The following PTPRD variants were observed in gnomAD, a reference collection of about 807,000 sequenced individuals.
PTPRD encodes protein tyrosine phosphatase receptor type D.
PTPRD carries 34 observed loss-of-function variants against 214.5 expected under a neutral mutation model. The ratio of observed to expected loss-of-function variants is 0.16; its 90% CI spans 0.12 to 0.21. PTPRD has a LOEUF of 0.21. Among genes scored for constraint, PTPRD ranks in the 10% least tolerant of loss-of-function variants. The pLI, the probability that PTPRD is intolerant of heterozygous loss-of-function variation, is 1.00. For synonymous variants in PTPRD, 1,128 were observed against 845.7 expected, an observed-to-expected ratio of 1.33 and a Z score of -5.79; for missense variants, 2,545 against 2,398.7, an observed-to-expected ratio of 1.06 and a Z score of -1.27.
intron 6 of PTPRD, among the ~76,000 whole-genome samples, chr9:9,761,292 G>T (rs937094752): frequency 6.6e-6 from 1 of 152,010 alleles, no homozygotes; most frequent in Non-Finnish European, 1.5e-5. Flanking sequence ...AATCCCAAAA[G>T]GTATGATTCC....
At chr9:9,204,807 A>T (rs891150363) in intron 9 of PTPRD, among the ~76,000 whole-genome samples, 1 of 152,178 alleles carries the variant, frequency 6.6e-6, no homozygotes, top group African/African-American at 2.4e-5. Context: ...ATTAAAAATG[A>T]CCAAAAGAAA....
At position 10,355,890 on chromosome 9, in the gene PTPRD, G is replaced by T. The variant is rs527754470; in HGVS notation, c.-599-14873C>A. Among the ~76,000 whole-genome samples the T allele has an allele frequency of 3.3e-5, 5 of 152,126 alleles. 1 individual carries two copies. The South Asian group carries it at 8.3e-4, about 25-fold the overall frequency. Reference sequence around the variant, plus strand: ...GCGAATTTGAGATGTTAAAATCTAGGTAAATATTGTCAGTAGAAATTTAAT... The same window carrying T: ...GCGAATTTGAGATGTTAAAATCTAGTTAAATATTGTCAGTAGAAATTTAAT... On this transcript the variant is annotated intron_variant, in intron 2 of 45. Coordinates refer to ENST00000381196, the MANE Select transcript of PTPRD (RefSeq NM_002839.4).
intron 5 of PTPRD, among the ~76,000 whole-genome samples, chr9:9,915,868 A>T (rs929486189): frequency 6.6e-6 from 1 of 152,094 alleles, no homozygotes; most frequent in Admixed American, 6.6e-5. Flanking sequence ...CAGGAAGGTC[A>T]AAGAACTTCA....
At chr9:8,998,221 G>T (rs2099404413) in intron 11 of PTPRD, among the ~76,000 whole-genome samples, 1 of 152,024 alleles carries the variant, frequency 6.6e-6, no homozygotes, top group African/African-American at 2.4e-5. Context: ...ATACATCTAG[G>T]GCTTTCAAAG....
intron 2 of PTPRD, among the ~76,000 whole-genome samples, chr9:10,392,285 G>A (rs1400120510): frequency 1.3e-5 from 2 of 151,898 alleles, no homozygotes; most frequent in Non-Finnish European, 2.9e-5. Flanking sequence ...TGATTCTATG[G>A]TTAGGTGGCA....
At chr9:8,437,506 G>A (rs937818187) in intron 34 of PTPRD, among the ~76,000 whole-genome samples, 2 of 152,006 alleles carry the variant, frequency 1.3e-5, no homozygotes, top group East Asian at 1.9e-4. Flanking sequence ...AATCACTGAC[G>A]GCACAATCAG....
intron 10 of PTPRD, among the ~76,000 whole-genome samples, chr9:9,073,253 T>C (rs1591077087): frequency 6.6e-6 from 1 of 152,182 alleles, no homozygotes; most frequent in East Asian, 1.9e-4. Context: ...GTTACATGTT[T>C]TCTAGTGATT....
At chr9:8,360,521 G>C (rs554511058) in intron 39 of PTPRD, among the ~76,000 whole-genome samples, 1 of 152,250 alleles carries the variant, frequency 6.6e-6, no homozygotes, top group East Asian at 1.9e-4. Context: ...ATAGATCAAG[G>C]TTCCTTCTGA....
In PTPRD at chr9:9,000,359, A is replaced by C. The variant is rs934143754; in HGVS notation, c.-104+18338T>G. On this transcript the variant is annotated intron_variant, in intron 11 of 45. Transcript: ENST00000381196. ...TTGCAAAGCTCTTTCAATGTGCAAT[A>C]GGGGAGAATTCCTGGATGAAGATGG... 4.6e-5 allele frequency among the ~76,000 whole-genome samples: 7 copies of C among 152,154 alleles called. 1 individual carries two copies. Among genetic ancestry groups the C allele is most frequent in the Middle Eastern group, 6.8e-3 (2 of 294 alleles).
At chr9:9,977,750 GAAAA>G (rs1484055318) in intron 4 of PTPRD, among the ~76,000 whole-genome samples, 2 of 152,028 alleles carry the variant, frequency 1.3e-5, no homozygotes, top group Admixed American at 6.6e-5. Context: ...TATTTAAAGA[GAAAA>G]GTAAGAAAGA....
intron 10 of PTPRD, among the ~76,000 whole-genome samples, chr9:9,134,514 T>C (rs1304932100): frequency 6.6e-6 from 1 of 152,196 alleles, no homozygotes; most frequent in Non-Finnish European, 1.5e-5. Flanking sequence ...TCTCTCTGAT[T>C]CTCACCTAGC....
rs374463032 is a variant in PTPRD, at chr9:10,185,078, A to G, written c.-544-151288T>C. 5.9e-5 allele frequency among the ~76,000 whole-genome samples: 9 copies of G among 152,318 alleles called. No individual in the cohort carries two copies. The South Asian group carries it at 1.2e-3, about 21-fold the overall frequency. On this transcript the variant is annotated intron_variant, in intron 3 of 45. Transcript: ENST00000381196. ...AACAACATCATGAAAGTGTAAAAAT[A>G]TATATTTAAAAAAAATCTACCAGCT...
intron 2 of PTPRD, among the ~76,000 whole-genome samples, chr9:10,416,632 T>A (rs183044449): frequency 1.0e-3 from 155 of 151,896 alleles, no homozygotes; most frequent in African/African-American, 3.5e-3. Context: ...AAAACAACTG[T>A]TGGTATGGCA....
At chr9:10,290,625 C>T (rs181995554) in intron 3 of PTPRD, among the ~76,000 whole-genome samples, 14 of 152,084 alleles carry the variant, frequency 9.2e-5, no homozygotes, top group Non-Finnish European at 8.8e-5. Flanking sequence ...GGTTAATTTT[C>T]CTTACATTAT....
At chr9:10,192,366 TC>T (rs2099367639) in intron 3 of PTPRD, among the ~76,000 whole-genome samples, 1 of 149,926 alleles carries the variant, frequency 6.7e-6, no homozygotes, top group Non-Finnish European at 1.5e-5. Context: ...AGAAATTTAT[TC>T]TTTCACAGTT....
At chr9:9,382,372 C>A (rs1162549187) in intron 9 of PTPRD, among the ~76,000 whole-genome samples, 1 of 151,932 alleles carries the variant, frequency 6.6e-6, no homozygotes, top group African/African-American at 2.4e-5. Context: ...AAGAAATAAT[C>A]AACAAAATTA....
intron 3 of PTPRD, among the ~76,000 whole-genome samples, chr9:10,262,955 G>A (rs769398592): frequency 3.3e-5 from 5 of 152,066 alleles, no homozygotes; most frequent in Admixed American, 1.3e-4. Context: ...TACTGTTCTC[G>A]TGGTAGTGAA....
chr9:10,040,674 G>A (rs576554051), intron 3 of PTPRD, among the ~76,000 whole-genome samples: 1 of 152,056 alleles, frequency 6.6e-6, no homozygotes, highest in Non-Finnish European at 1.5e-5. Context: ...GGCTAAAATG[G>A]CTTAAACATT....
chr9:9,674,371 G>A (rs1056933026), intron 7 of PTPRD, among the ~76,000 whole-genome samples: 2 of 151,056 alleles, frequency 1.3e-5, no homozygotes, highest in African/African-American at 2.4e-5. Context: ...GTGATAAAGT[G>A]CAACAATGAA....
Sources: allele counts gnomAD v4.1 joint callset (sites outside exome capture counted in the v4.1 genomes callset), GRCh38; gene constraint gnomAD v4.1.1; transcripts MANE v1.5; gene names NCBI Gene and HGNC (gene_info 2026-07-23, HGNC 2026-07-21).